The following CMTM8 variants were observed in gnomAD, a reference collection of about 807,000 sequenced individuals.
CMTM8 encodes the protein CKLF like MARVEL transmembrane domain containing 8, also known as CKLF-like MARVEL transmembrane domain-containing protein 8.
Under a neutral mutation model 18.6 loss-of-function variants are expected in CMTM8, and 12 were observed. The observed-to-expected ratio is 0.65, with a 90% CI of 0.41 to 1.05. CMTM8 has a LOEUF of 1.05. CMTM8 is among the 50% of genes least tolerant of loss of function. The pLI is 0.00. For missense variants in CMTM8, 217 were observed against 227.2 expected (o/e 0.95, Z 0.29); for synonymous variants, 87 against 90.6 (o/e 0.96, Z 0.23).
intron 1 of CMTM8, among the ~76,000 whole-genome samples, chr3:32,269,123 G>A (rs1213001570): frequency 6.6e-6 from 1 of 152,190 alleles, no homozygotes; most frequent in East Asian, 1.9e-4. Flanking sequence ...TCACTTTAGA[G>A]ACAGAAAGCA....
intron 1 of CMTM8, among the ~76,000 whole-genome samples, chr3:32,308,544 G>C (rs1027784695): frequency 2.0e-5 from 3 of 152,136 alleles, no homozygotes; most frequent in African/African-American, 7.2e-5. Flanking sequence ...GGAGATCGGG[G>C]CTCTATCATC....
rs1695805592 is a variant in CMTM8 at position 32,310,836 on chromosome 3, GA to G, written c.148-46530del. 3.9e-5 allele frequency among the ~76,000 whole-genome samples: 6 copies of G among 152,052 alleles called. No individual in the cohort carries two copies. In the South Asian group the frequency reaches 1.0e-3, roughly 26 times the overall value. On this transcript the variant is annotated intron_variant, in intron 1 of 3. Transcript: ENST00000307526. The stretch of plus-strand genomic sequence containing the variant: ...AGAAATTTGGAAATACACAAAGTTG[GA>G]AAAAAATGTTAAACACCTATGCTGC...
At chr3:32,247,927 T>C (rs934401554) in intron 1 of CMTM8, among the ~76,000 whole-genome samples, 8 of 152,248 alleles carry the variant, frequency 5.3e-5, no homozygotes, top group Admixed American at 1.3e-4. Context: ...TCTATCTTTA[T>C]GAATTTGCCT....
Position 32,270,521 on chromosome 3 carries a change from C to T in CMTM8, c.147+31402C>T, listed in dbSNP as rs545515990. ...TTAAGAAAATGTGGCACATAGACAC[C>T]GTGGAATACTATGCAGCCATAAAAA... is the stretch of plus-strand genomic sequence containing the variant. On this transcript the variant is annotated intron_variant, in intron 1 of 3. Transcript: ENST00000307526. Among the ~76,000 whole-genome samples the T allele has an allele frequency of 1.4e-4, 21 of 152,232 alleles. 1 individual carries two copies. In the South Asian group the frequency reaches 2.7e-3, roughly 20 times the overall value.
At chr3:32,332,988 G>A (rs1396445245) in intron 1 of CMTM8, among the ~76,000 whole-genome samples, 1 of 152,246 alleles carries the variant, frequency 6.6e-6, no homozygotes, top group African/African-American at 2.4e-5. Flanking sequence ...TTTGGAATGT[G>A]TGTGTTTTTA....
At chr3:32,261,037 C>T (rs7621429) in intron 1 of CMTM8, among the ~76,000 whole-genome samples, 62,426 of 151,812 alleles carry the variant, frequency 0.41, 13,813 homozygotes, top group South Asian at 0.57. Context: ...CACTGAGCAA[C>T]GTAGCGAGAC....
intron 1 of CMTM8, among the ~76,000 whole-genome samples, chr3:32,336,279 C>T (rs1240918513): frequency 6.6e-6 from 1 of 152,198 alleles, no homozygotes; most frequent in Non-Finnish European, 1.5e-5. Flanking sequence ...CCAAGTAAAG[C>T]CGGTTCTCAG....
chr3:32,239,050 C>G lies in CMTM8; in HGVS notation c.78C>G (p.Ser26Arg), dbSNP rs76321736. 8.0e-4 allele frequency: 1,268 copies of G among 1,592,544 alleles called. 23 individuals carry two copies. In the East Asian group the frequency reaches 0.025, roughly 32 times the overall value. ...ASSFAENFSTSSSSFAYDREF... is the reference protein window; with the variant it reads ...ASSFAENFSTRSSSFAYDREF... ...CCTTCGCAGAGAACTTCTCCACCAG[C>G]AGCAGCAGCTTCGCCTACGACCGGG... is the stretch of plus-strand genomic sequence containing the variant. Residue 26 changes from serine to arginine, a missense_variant, in exon 1 of 4, where the codon AGC becomes AGG. By Grantham distance (110) the Ser-to-Arg change is moderately radical. Coordinates refer to ENST00000307526, the MANE Select transcript of CMTM8 (RefSeq NM_178868.5).
intron 3 of CMTM8, 47 bp downstream of exon 3, chr3:32,368,035 G>GCAAGCCTTGGA: frequency 7.5e-7 from 1 of 1,324,724 alleles, no homozygotes; most frequent in Non-Finnish European, 1.1e-6. Context: ...CCCTCTCCAA[G>GCAAGCCTTGGA]GCTTGCTTGG....
intron 1 of CMTM8, among the ~76,000 whole-genome samples, chr3:32,346,407 C>T (rs1032445566): frequency 6.6e-6 from 1 of 152,176 alleles, no homozygotes; most frequent in Non-Finnish European, 1.5e-5. Context: ...CTTGGGCTGC[C>T]ATAACAAAAT....
chr3:32,349,894 G>T (rs1696671939), intron 1 of CMTM8, among the ~76,000 whole-genome samples: 1 of 152,132 alleles, frequency 6.6e-6, no homozygotes, highest in African/African-American at 2.4e-5. Context: ...TGTAATCCCA[G>T]CTACTCAGGA....
At chr3:32,268,266 A>T (rs1263540847) in intron 1 of CMTM8, among the ~76,000 whole-genome samples, 1 of 152,228 alleles carries the variant, frequency 6.6e-6, no homozygotes, top group Non-Finnish European at 1.5e-5. Context: ...ATGCAGCTAT[A>T]AAAAATGATG....
At chr3:32,265,928 C>T (rs1362794563) in intron 1 of CMTM8, among the ~76,000 whole-genome samples, 1 of 152,190 alleles carries the variant, frequency 6.6e-6, no homozygotes, top group African/African-American at 2.4e-5. Flanking sequence ...TCTGAATAGA[C>T]CAATAACAGG....
At chr3:32,298,914 T>C (rs1425499329) in intron 1 of CMTM8, among the ~76,000 whole-genome samples, 24 of 131,420 alleles carry the variant, frequency 1.8e-4, no homozygotes, top group East Asian at 4.2e-4. Context: ...CACACACACA[T>C]ACACACACAC....
At chr3:32,338,826 G>T (rs1178947912) in intron 1 of CMTM8, among the ~76,000 whole-genome samples, 1 of 152,246 alleles carries the variant, frequency 6.6e-6, no homozygotes. Flanking sequence ...TGGCTGAGCA[G>T]TTCTGGCTCA....
chr3:32,277,058 A>AT (rs376792019), intron 1 of CMTM8, among the ~76,000 whole-genome samples: 28 of 151,286 alleles, frequency 1.9e-4, no homozygotes, highest in Admixed American at 5.9e-4. Context: ...CTAAGTTACT[A>AT]TTTTTTTTGT....
chr3:32,367,885 A>G lies in CMTM8; in HGVS notation c.335A>G (p.Asn112Ser), dbSNP rs1210035038. 6.2e-7 allele frequency: 1 copy of G among 1,613,600 alleles called. No individual in the cohort carries two copies. Among genetic ancestry groups the G allele is most frequent in the South Asian group, 1.1e-5 (1 of 91,052 alleles). ...VPWTTVGLCFNGSAFVLYLSA... is the reference protein window; with the variant it reads ...VPWTTVGLCFSGSAFVLYLSA... ...GTGTCCCCCCAGGGCCTGTGCTTTAACGGCAGTGCCTTCGTCTTGTACCTC... is the reference window on the plus strand; with the variant it reads ...GTGTCCCCCCAGGGCCTGTGCTTTAGCGGCAGTGCCTTCGTCTTGTACCTC... The change falls in exon 3 of 4, where the codon AAC (asparagine) becomes AGC (serine). Residue 112 changes from asparagine to serine, a missense_variant. Transcript: ENST00000307526.
intron 1 of CMTM8, among the ~76,000 whole-genome samples, chr3:32,312,330 T>C (rs961502845): frequency 6.6e-6 from 1 of 152,166 alleles, no homozygotes; most frequent in African/African-American, 2.4e-5. Flanking sequence ...CCCCAGGTAA[T>C]CCCACAATTT....
rs763991050 is a variant in CMTM8, at chr3:32,367,987, C to T, written c.437C>T (p.Ser146Leu). 11 of 1,591,662 alleles carry T rather than the reference C, an allele frequency of 6.9e-6. No individual in the cohort carries two copies. Among genetic ancestry groups the T allele is most frequent in the East Asian group, 4.5e-5 (2 of 44,768 alleles). Residue 146 changes from serine (S) to leucine (L), a missense_variant and splice_region_variant, in exon 3 of 4, where the codon TCG becomes TTG. Physicochemically the swap from Ser to Leu is moderately radical, Grantham distance 145. Transcript: ENST00000307526. ...AACTTCAACAGCTGGGCGGCCTCAT[C>T]GGTGAGTAGCCCTCCATCCCCACAT... ...SHNFNSWAAS[S>L]FFAFLVTICY...
Sources: allele counts gnomAD v4.1 joint callset (sites outside exome capture counted in the v4.1 genomes callset), GRCh38; gene constraint gnomAD v4.1.1; transcripts MANE v1.5; gene names NCBI Gene and HGNC (gene_info 2026-07-23, HGNC 2026-07-21).